Variants in NLGN4X observed in about 807,000 individuals in gnomAD.
The protein encoded by NLGN4X is neuroligin 4 X-linked, also known as neuroligin-4, X-linked.
NLGN4X carries 3 observed loss-of-function variants against 40.3 expected under a neutral mutation model. The observed-to-expected ratio is 0.07, with a 90% CI of 0.03 to 0.19. NLGN4X has a LOEUF of 0.19. NLGN4X is among the 10% of genes least tolerant of loss of function. NLGN4X has a pLI of 1.00. For missense variants in NLGN4X, 382 were observed against 708.3 expected (o/e 0.54, Z 5.23); for synonymous variants, 270 against 306.8 (o/e 0.88, Z 1.25).
Position 6,140,383 on chromosome X carries a change from T to C in NLGN4X, c.472+10612A>G, listed in dbSNP as rs141995820. Among the ~76,000 whole-genome samples, 376 of 108,607 alleles carry C rather than the reference T, an allele frequency of 3.5e-3. 1 individual carries two copies. The highest frequency in any genetic ancestry group is 0.012 in the African/African-American group (357 of 29,764). 94.3% of individuals were successfully genotyped at this position (108,607 alleles called of 115,157 possible). A position where few individuals can be genotyped will look rare whatever the true frequency, so the allele number is the denominator to read the frequency against. Reference sequence around the variant, plus strand: ...GTAAAACTTGGCACTTCCCAGAAAATTGTAACATGTTTGATCTTAACTGAA... The same window carrying C: ...GTAAAACTTGGCACTTCCCAGAAAACTGTAACATGTTTGATCTTAACTGAA... On this transcript the variant is annotated intron_variant, in intron 2 of 5. Coordinates refer to ENST00000381095, the MANE Select transcript of NLGN4X (RefSeq NM_181332.3).
intron 2 of NLGN4X, among the ~76,000 whole-genome samples, chrX:6,116,392 T>C (rs1376304628): frequency 2.9e-4 from 1 of 3,417 alleles, no homozygotes. Context: ...CCTTTCTTTC[T>C]TTTTTTTTTT....
intron 2 of NLGN4X, among the ~76,000 whole-genome samples, chrX:6,114,606 T>C (rs764184555): frequency 9.0e-6 from 1 of 111,009 alleles, no homozygotes; most frequent in South Asian, 3.8e-4. Flanking sequence ...TTTACTTTTA[T>C]ATGAATTATT....
intron 3 of NLGN4X, among the ~76,000 whole-genome samples, chrX:5,926,990 G>C (rs1268841804): frequency 9.7e-6 from 1 of 103,413 alleles, no homozygotes; most frequent in African/African-American, 3.6e-5. Context: ...CTGTTTCACA[G>C]GTTTGCTCTC....
At chrX:6,175,772 A>C (rs745890044) in intron 1 of NLGN4X, among the ~76,000 whole-genome samples, 100 of 109,740 alleles carry the variant, frequency 9.1e-4, no homozygotes, top group Non-Finnish European at 1.8e-3. Flanking sequence ...CTCTGTTCTA[A>C]TAATCTCCTC....
intron 1 of NLGN4X, among the ~76,000 whole-genome samples, chrX:6,160,672 C>T (rs1195237235): frequency 5.5e-5 from 6 of 108,488 alleles, no homozygotes; most frequent in African/African-American, 2.0e-4. Flanking sequence ...CAAGCATATG[C>T]CCCCATGCCC....
chrX:5,903,168 G>C lies in NLGN4X; in HGVS notation c.1510C>G (p.Pro504Ala). 1 of 1,211,790 alleles carries C rather than the reference G, an allele frequency of 8.3e-7. No homozygotes were observed. ...PYVFGIPMIGPTELFSCNFSK... is the reference protein window; with the variant it reads ...PYVFGIPMIGATELFSCNFSK... Reference sequence around the variant, plus strand: ...AAGTTACAACTGAAGAGCTCGGTGGGACCGATCATGGGGATGCCGAAGACA... The same window carrying C: ...AAGTTACAACTGAAGAGCTCGGTGGCACCGATCATGGGGATGCCGAAGACA... Residue 504 changes from proline to alanine, a missense_variant, in exon 5 of 6, where the codon CCC becomes GCC. This residue lies in a region of NLGN4X where 149 missense variants were observed against 375.8 expected (regional missense o/e 0.40). Coordinates refer to ENST00000381095, the MANE Select transcript of NLGN4X (RefSeq NM_181332.3).
At chrX:6,135,461 G>C (rs1188019398) in intron 2 of NLGN4X, among the ~76,000 whole-genome samples, 1 of 111,382 alleles carries the variant, frequency 9.0e-6, no homozygotes, top group Non-Finnish European at 1.9e-5. Flanking sequence ...TTTCTTGTTT[G>C]GTACTATTTG....
At chrX:5,986,439 T>C (rs1215190047) in intron 3 of NLGN4X, among the ~76,000 whole-genome samples, 1 of 109,331 alleles carries the variant, frequency 9.1e-6, no homozygotes, top group Non-Finnish European at 1.9e-5. Context: ...GGTTTCAATA[T>C]GAAAGATAAA....
intron 2 of NLGN4X, among the ~76,000 whole-genome samples, chrX:6,133,576 T>C (rs1458424024): frequency 8.9e-6 from 1 of 112,059 alleles, no homozygotes; most frequent in Non-Finnish European, 1.9e-5. Context: ...TCCAATTTTC[T>C]GTTTCATGAA....
rs73457060 is a variant in NLGN4X at position 6,228,182 on chromosome X, C to T, written c.-306+359G>A. On this transcript the variant is annotated intron_variant, in intron 1 of 5. Coordinates refer to ENST00000381095, the MANE Select transcript of NLGN4X (RefSeq NM_181332.3). ...TTTGTAAACACATCACACACGGCCC[C>T]AGAGCCGTTCAAATAGCTGATTGCA... Among the ~76,000 whole-genome samples the T allele has an allele frequency of 0.11, 12,736 of 111,304 alleles. 820 individuals are homozygous for T. Among genetic ancestry groups the T allele is most frequent in the African/African-American group, 0.25 (7,668 of 30,438 alleles).
intron 2 of NLGN4X, among the ~76,000 whole-genome samples, chrX:6,133,226 A>G (rs2039724849): frequency 1.8e-5 from 2 of 110,484 alleles, no homozygotes; most frequent in South Asian, 3.9e-4. Flanking sequence ...CATCATCACC[A>G]TCATCATCAT....
At chrX:6,160,139 TA>T (rs2040353469) in intron 1 of NLGN4X, among the ~76,000 whole-genome samples, 1 of 111,739 alleles carries the variant, frequency 8.9e-6, no homozygotes, top group Non-Finnish European at 1.9e-5. Context: ...TTTAAATAAC[TA>T]AAAGCATAAT....
At chrX:6,017,691 A>G (rs1234004535) in intron 3 of NLGN4X, among the ~76,000 whole-genome samples, 1 of 112,121 alleles carries the variant, frequency 8.9e-6, no homozygotes, top group Non-Finnish European at 1.9e-5. Flanking sequence ...GAATTTTGAT[A>G]TATTCCCAAG....
intron 1 of NLGN4X, among the ~76,000 whole-genome samples, chrX:6,178,765 G>A (rs867965298): frequency 8.9e-6 from 1 of 111,763 alleles, no homozygotes; most frequent in Non-Finnish European, 1.9e-5. Flanking sequence ...AACAAAGCAT[G>A]AGAAATATAG....
At chrX:6,209,154 T>G (rs1397485593) in intron 1 of NLGN4X, among the ~76,000 whole-genome samples, 1 of 111,859 alleles carries the variant, frequency 8.9e-6, no homozygotes, top group Non-Finnish European at 1.9e-5. Flanking sequence ...CCACATGTCC[T>G]CACTCCTAAG....
intron 1 of NLGN4X, among the ~76,000 whole-genome samples, chrX:6,208,765 C>A (rs978099500): frequency 9.0e-6 from 1 of 111,713 alleles, no homozygotes; most frequent in Non-Finnish European, 1.9e-5. Flanking sequence ...GAAGGGAATC[C>A]ACATACACTG....
At chrX:6,150,643 AT>A (rs2147699165) in intron 2 of NLGN4X, among the ~76,000 whole-genome samples, 1 of 112,260 alleles carries the variant, frequency 8.9e-6, no homozygotes, top group Admixed American at 9.5e-5. Context: ...TAATTCTATT[AT>A]TTTTCTATAG....
chrX:6,031,349 G>T (rs1341169152), intron 2 of NLGN4X, among the ~76,000 whole-genome samples: 1 of 111,907 alleles, frequency 8.9e-6, no homozygotes, highest in East Asian at 2.8e-4. Flanking sequence ...TGAAGCAGGT[G>T]TAGATTTTGA....
chrX:6,125,925 T>A (rs1206905393), intron 2 of NLGN4X, among the ~76,000 whole-genome samples: 2 of 111,263 alleles, frequency 1.8e-5, no homozygotes, highest in South Asian at 7.5e-4. Flanking sequence ...CCAAACTTAG[T>A]AGAATAGTAG....
Sources: gnomAD v4.1 joint callset for allele counts (sites outside exome capture counted in the v4.1 genomes callset) on GRCh38, gnomAD v4.1.1 for gene constraint, gnomAD v4.1.1 regional missense constraint, MANE v1.5 for transcripts, NCBI Gene and HGNC (gene_info 2026-07-23, HGNC 2026-07-21) for gene names.